Variants in NBEA observed in about 807,000 individuals in gnomAD.
NBEA encodes the protein neurobeachin, also known as lysosomal-trafficking regulator 2.
A neutral mutation model predicts 343.4 loss-of-function variants in NBEA; 44 were observed. The observed-to-expected ratio is 0.13, with a 90% CI of 0.10 to 0.16. The LOEUF (loss-of-function observed/expected upper bound fraction) is 0.16. Ranked by LOEUF, NBEA falls within the 10% of genes least tolerant of loss-of-function variation. NBEA has a pLI of 1.00. For missense variants in NBEA, 2,555 were observed against 3,631.3 expected, an observed-to-expected ratio of 0.70 and a Z score of 7.62; for synonymous variants, 1,175 against 1,238.7, an observed-to-expected ratio of 0.95 and a Z score of 1.08.
At chr13:35,330,825 T>G (rs2249809) in intron 36 of NBEA, among the ~76,000 whole-genome samples, 3 of 151,900 alleles carry the variant, frequency 2.0e-5, no homozygotes, top group Non-Finnish European at 4.4e-5. Context: ...AAGTCTCTAG[T>G]GTCTTATTTT....
chr13:35,366,408 T>C (rs2041115907), intron 38 of NBEA, among the ~76,000 whole-genome samples: 1 of 151,320 alleles, frequency 6.6e-6, no homozygotes, highest in Admixed American at 6.6e-5. Context: ...CAGATTATTA[T>C]ATATTAAAAA....
At chr13:35,078,949 GA>G (rs904162051) in intron 10 of NBEA, among the ~76,000 whole-genome samples, 4 of 152,196 alleles carry the variant, frequency 2.6e-5, no homozygotes, top group Admixed American at 2.6e-4. Flanking sequence ...TTGAACCCGG[GA>G]GGCGGAGGTT....
chr13:35,180,460 T>C (rs1219232732), intron 28 of NBEA, among the ~76,000 whole-genome samples: 2 of 151,704 alleles, frequency 1.3e-5, no homozygotes, highest in African/African-American at 2.4e-5. Flanking sequence ...AGCATACTTA[T>C]TTTAAAGTTA....
At chr13:35,109,250 TC>T (rs1679070123) in intron 11 of NBEA, 39 bp from the exon 12 acceptor site, 1 of 1,512,712 alleles carries the variant, frequency 6.6e-7, no homozygotes, top group African/African-American at 1.4e-5. Flanking sequence ...AATTTGATAT[TC>T]TGGATGTTTC....
chr13:35,311,043 A>T (rs140299851), intron 36 of NBEA, among the ~76,000 whole-genome samples: 1,648 of 152,202 alleles, frequency 0.011, 13 homozygotes, highest in Non-Finnish European at 0.018. Flanking sequence ...AGTAGTACAG[A>T]TCTAAAATTT....
At chr13:35,212,597 G>A (rs2073844436) in intron 33 of NBEA, among the ~76,000 whole-genome samples, 2 of 152,154 alleles carry the variant, frequency 1.3e-5, no homozygotes, top group South Asian at 4.1e-4. Flanking sequence ...AGTTTTACTA[G>A]ATAATGCAAA....
intron 52 of NBEA, among the ~76,000 whole-genome samples, chr13:35,650,854 G>C (rs1364473150): frequency 1.3e-5 from 2 of 152,174 alleles, no homozygotes; most frequent in Non-Finnish European, 2.9e-5. Context: ...TTGAATAGCT[G>C]AGCCATGCCG....
intron 39 of NBEA, among the ~76,000 whole-genome samples, chr13:35,447,333 A>C (rs2046095302): frequency 6.6e-6 from 1 of 152,154 alleles, no homozygotes; most frequent in Non-Finnish European, 1.5e-5. Context: ...ATATAGTAAC[A>C]ATACTAGAAA....
chr13:35,460,857 C>A (rs181134312), intron 40 of NBEA, among the ~76,000 whole-genome samples: 1 of 152,330 alleles, frequency 6.6e-6, no homozygotes, highest in East Asian at 1.9e-4. Context: ...GTCATGGAGA[C>A]TGAGAAGTCC....
chr13:35,629,732 A>G (rs976370202), intron 49 of NBEA, among the ~76,000 whole-genome samples: 1 of 152,224 alleles, frequency 6.6e-6, no homozygotes, highest in Non-Finnish European at 1.5e-5. Flanking sequence ...TAATCAGATT[A>G]TTTGGTAGGA....
intron 10 of NBEA, among the ~76,000 whole-genome samples, chr13:35,081,031 T>G (rs1388742557): frequency 6.6e-6 from 1 of 152,178 alleles, no homozygotes; most frequent in African/African-American, 2.4e-5. Context: ...CTAAAAGGTT[T>G]ACCTTAACAC....
chr13:35,123,633 G>A (rs1311679565), intron 17 of NBEA, 59 bp downstream of exon 17: 1 of 1,103,374 alleles, frequency 9.1e-7, no homozygotes, highest in Non-Finnish European at 1.2e-6. Flanking sequence ...ATGTTTTTAT[G>A]AGTTTTCTAT....
At position 35,130,274 on chromosome 13, in the gene NBEA, A is replaced by AATT. The variant is rs577003160; in HGVS notation, c.2336+6703_2336+6705dup. On this transcript the variant is annotated intron_variant, in intron 17 of 58. Transcript: ENST00000379939. ...AGGGTAAAGTGGTAGGGAAATGAGA[A>AATT]ATTATAAAGTGTTCACTTGTATGGG... Among the ~76,000 whole-genome samples, 869 of 152,186 alleles carry AATT rather than the reference A, an allele frequency of 5.7e-3. 5 individuals are homozygous for AATT. The highest frequency in any genetic ancestry group is 9.2e-3 in the Non-Finnish European group (624 of 67,944).
chr13:35,508,633 C>G (rs1344220391), intron 41 of NBEA, among the ~76,000 whole-genome samples: 1 of 152,098 alleles, frequency 6.6e-6, no homozygotes, highest in Admixed American at 6.6e-5. Flanking sequence ...TGGTTGATAA[C>G]ATTCATTCAG....
chr13:35,525,279 C>T (rs866935913), intron 41 of NBEA, among the ~76,000 whole-genome samples: 6 of 152,226 alleles, frequency 3.9e-5, no homozygotes, highest in Middle Eastern at 3.4e-3. Flanking sequence ...AGGCCAGGTG[C>T]GGTGGCTCAC....
At chr13:35,338,766 C>T (rs1364302207) in intron 36 of NBEA, among the ~76,000 whole-genome samples, 4 of 152,062 alleles carry the variant, frequency 2.6e-5, no homozygotes, top group African/African-American at 9.6e-5. Context: ...GGCAGATCTA[C>T]GTCAGCAATA....
intron 36 of NBEA, among the ~76,000 whole-genome samples, chr13:35,338,004 A>T (rs1322255293): frequency 6.6e-6 from 1 of 152,006 alleles, no homozygotes; most frequent in African/African-American, 2.4e-5. Flanking sequence ...AACTACTTTT[A>T]AAAAGGGGAA....
At chr13:34,992,857 T>C (rs1388565407) in intron 1 of NBEA, among the ~76,000 whole-genome samples, 1 of 140,584 alleles carries the variant, frequency 7.1e-6, no homozygotes, top group Non-Finnish European at 1.6e-5. Flanking sequence ...TTTTTTTTTG[T>C]ATTTTTTAGT....
At chr13:35,615,281 CT>C (rs1294670645) in intron 48 of NBEA, among the ~76,000 whole-genome samples, 1 of 128,688 alleles carries the variant, frequency 7.8e-6, no homozygotes, top group Non-Finnish European at 1.6e-5. Flanking sequence ...GAATAAGACC[CT>C]GTCTCAAAAA....
Sources: allele counts gnomAD v4.1 joint callset (sites outside exome capture counted in the v4.1 genomes callset), GRCh38; gene constraint gnomAD v4.1.1; transcripts MANE v1.5; gene names NCBI Gene and HGNC (gene_info 2026-07-23, HGNC 2026-07-21).